LPP: variants seen among roughly 807,000 people sequenced by gnomAD.
LPP encodes the protein lipoma-preferred partner.
LPP carries 38 observed loss-of-function variants against 60.4 expected under a neutral mutation model. That is an observed-to-expected ratio of 0.63 (90% confidence interval 0.49 to 0.83). The LOEUF is 0.83. Among genes scored for constraint, LPP ranks in the 40% least tolerant of loss-of-function variants. LPP has a pLI of 0.00. For missense variants in LPP, 902 were observed against 783.6 expected (o/e 1.15, Z -1.80); for synonymous variants, 328 against 290.8 (o/e 1.13, Z -1.30).
At chr3:188,702,898 A>T (rs1004645538) in intron 7 of LPP, among the ~76,000 whole-genome samples, 1 of 152,216 alleles carries the variant, frequency 6.6e-6, no homozygotes, top group Admixed American at 6.5e-5. Flanking sequence ...GGAGACAATG[A>T]TATCAAAACC....
chr3:188,709,773 C>T (rs1866237570), intron 8 of LPP: 1 of 152,156 alleles, frequency 6.6e-6, no homozygotes, highest in Non-Finnish European at 1.5e-5. Flanking sequence ...TGGTAGAAGA[C>T]CATTTTCCTC....
intron 7 of LPP, among the ~76,000 whole-genome samples, chr3:188,667,200 T>G (rs1471458666): frequency 1.3e-5 from 2 of 152,108 alleles, no homozygotes; most frequent in Non-Finnish European, 2.9e-5. Context: ...AGGAGTTGGC[T>G]GGGCGCAATG....
At chr3:188,588,219 C>T (rs556011909) in intron 6 of LPP, among the ~76,000 whole-genome samples, 1 of 152,156 alleles carries the variant, frequency 6.6e-6, no homozygotes, top group African/African-American at 2.4e-5. Flanking sequence ...CAAAATGTCA[C>T]CCTCAGCTAA....
chr3:188,385,307 G>A (rs1777978901), intron 3 of LPP, among the ~76,000 whole-genome samples: 1 of 152,044 alleles, frequency 6.6e-6, no homozygotes, highest in South Asian at 2.1e-4. Context: ...AGTTCTCTTT[G>A]CATTAACACA....
At position 188,336,741 on chromosome 3, in the gene LPP, G is replaced by A. The variant is rs144588747; in HGVS notation, c.-66-4922G>A. On this transcript the variant is annotated intron_variant, in intron 2 of 11. Coordinates refer to ENST00000617246, the MANE Select transcript of LPP (RefSeq NM_001375462.1). ...GGTAGACCAGCTCCAGGGAAACAGC[G>A]TATTAGAGTTGTTTTCCCTTTAGGC... is the stretch of plus-strand genomic sequence containing the variant. Among the ~76,000 whole-genome samples, 65 of 152,252 alleles carry A rather than the reference G, an allele frequency of 4.3e-4. No individual in the cohort carries two copies. In the East Asian group the frequency reaches 0.011, roughly 25 times the overall value.
At chr3:188,429,278 T>C (rs1466750009) in intron 4 of LPP, among the ~76,000 whole-genome samples, 4 of 152,172 alleles carry the variant, frequency 2.6e-5, no homozygotes, top group African/African-American at 9.7e-5. Flanking sequence ...TTAGAAATGA[T>C]AGTGGAAGTA....
chr3:188,499,384 G>A (rs752757248), intron 5 of LPP, among the ~76,000 whole-genome samples: 1 of 152,162 alleles, frequency 6.6e-6, no homozygotes, highest in East Asian at 1.9e-4. Context: ...TGAAAAGACT[G>A]TCCTTCCTGT....
chr3:188,524,829 A>G, intron 6 of LPP, 42 bp downstream of exon 6: 1 of 1,590,922 alleles, frequency 6.3e-7, no homozygotes, highest in Non-Finnish European at 8.6e-7. Context: ...CCATTCCCAG[A>G]TATTCTACTC....
chr3:188,753,850 C>A (rs1045869028), intron 8 of LPP, among the ~76,000 whole-genome samples: 1 of 151,906 alleles, frequency 6.6e-6, no homozygotes, highest in Non-Finnish European at 1.5e-5. Flanking sequence ...GCCACCTTTC[C>A]CCCACTAGCC....
At chr3:188,494,151 C>T (rs1253499515) in intron 5 of LPP, among the ~76,000 whole-genome samples, 1 of 152,074 alleles carries the variant, frequency 6.6e-6, no homozygotes, top group Non-Finnish European at 1.5e-5. Context: ...GGATGCAGGC[C>T]AGCAGAAGAA....
At chr3:188,803,588 G>A (rs1748004006) in intron 9 of LPP, among the ~76,000 whole-genome samples, 1 of 152,158 alleles carries the variant, frequency 6.6e-6, no homozygotes, top group Non-Finnish European at 1.5e-5. Flanking sequence ...TATGCAGATT[G>A]TAAATCAGAT....
At chr3:188,334,264 T>C (rs1760963217) in intron 2 of LPP, among the ~76,000 whole-genome samples, 1 of 152,196 alleles carries the variant, frequency 6.6e-6, no homozygotes, top group Non-Finnish European at 1.5e-5. Flanking sequence ...TTTGCCTGTT[T>C]ATCTGTTGAT....
intron 6 of LPP, among the ~76,000 whole-genome samples, chr3:188,530,614 CCGAA>C (rs1821923683): frequency 6.6e-6 from 1 of 152,154 alleles, no homozygotes; most frequent in Non-Finnish European, 1.5e-5. Context: ...TGTATTTTCC[CCGAA>C]CTATGACACA....
chr3:188,277,903 T>C (rs1374176243), intron 2 of LPP, among the ~76,000 whole-genome samples: 8 of 152,198 alleles, frequency 5.3e-5, no homozygotes, highest in Admixed American at 3.9e-4. Flanking sequence ...TGTTTGGGAA[T>C]GGGGCCAGTG....
At chr3:188,354,836 G>GACACACACACACACACAC (rs59234691) in intron 3 of LPP, among the ~76,000 whole-genome samples, 1 of 151,428 alleles carries the variant, frequency 6.6e-6, no homozygotes, top group African/African-American at 2.4e-5. Flanking sequence ...CACACACACA[G>GACACACACACACACACAC]ACACACACAC....
At chr3:188,389,155 G>T (rs548634816) in intron 3 of LPP, among the ~76,000 whole-genome samples, 1 of 151,954 alleles carries the variant, frequency 6.6e-6, no homozygotes, top group Non-Finnish European at 1.5e-5. Context: ...GTGTGTGTTT[G>T]GTATATTTGT....
chr3:188,256,012 A>G (rs1219997173), intron 2 of LPP, among the ~76,000 whole-genome samples: 1 of 152,236 alleles, frequency 6.6e-6, no homozygotes, highest in Non-Finnish European at 1.5e-5. Context: ...CCAGATATGT[A>G]CTTTTAAATA....
chr3:188,452,192 G>A (rs1301269585), intron 4 of LPP, among the ~76,000 whole-genome samples: 1 of 152,198 alleles, frequency 6.6e-6, no homozygotes, highest in East Asian at 1.9e-4. Flanking sequence ...ATCAAGAAAT[G>A]TGTCGTTAAC....
intron 5 of LPP, among the ~76,000 whole-genome samples, chr3:188,509,817 C>G (rs901743596): frequency 2.0e-5 from 3 of 150,912 alleles, no homozygotes; most frequent in Non-Finnish European, 2.9e-5. Flanking sequence ...TTCAGCTTCC[C>G]AAGTAGCTGG....
Sources: allele counts gnomAD v4.1 joint callset (sites outside exome capture counted in the v4.1 genomes callset), GRCh38; gene constraint gnomAD v4.1.1; transcripts MANE v1.5; gene names NCBI Gene and HGNC (gene_info 2026-07-23, HGNC 2026-07-21).